RELN: variants seen among roughly 807,000 people sequenced by gnomAD.
RELN encodes reelin.
In RELN, 108 loss-of-function variants were observed where a neutral mutation model predicts 427.6. The ratio of observed to expected loss-of-function variants is 0.25; its 90% CI spans 0.22 to 0.30. The LOEUF (loss-of-function observed/expected upper bound fraction) is 0.30. RELN is among the 10% of genes least tolerant of loss of function. The pLI is 1.00. For synonymous variants in RELN, 1,524 were observed against 1,513.4 expected (o/e 1.01, Z -0.16); for missense variants, 3,715 against 4,302.8 (o/e 0.86, Z 3.82).
chr7:103,731,569 G>C lies in RELN; in HGVS notation c.657-3362C>G, dbSNP rs570256698. 7.9e-5 allele frequency among the ~76,000 whole-genome samples: 12 copies of C among 152,190 alleles called. No individual in the cohort carries two copies. In the East Asian group the frequency reaches 2.1e-3, roughly 27 times the overall value. On this transcript the variant is annotated intron_variant, in intron 6 of 64. Transcript: ENST00000428762. ...ATTACTGTCCAAGGTTACACAGCTAGTCAATTGCAGAATTGGGAGTCAAAC... is the reference window on the plus strand; with the variant it reads ...ATTACTGTCCAAGGTTACACAGCTACTCAATTGCAGAATTGGGAGTCAAAC...
chr7:103,713,333 T>C (rs1222601947), intron 8 of RELN, among the ~76,000 whole-genome samples: 3 of 152,220 alleles, frequency 2.0e-5, no homozygotes, highest in Non-Finnish European at 4.4e-5. Flanking sequence ...GGATGCATTC[T>C]GGCTACTCAG....
chr7:103,630,840 G>GTTTTTTTTTTTTTTTTTTTTTTTTTTTTT (rs1265435565), intron 19 of RELN, among the ~76,000 whole-genome samples: 1 of 87,576 alleles, frequency 1.1e-5, no homozygotes, highest in African/African-American at 5.7e-5. Flanking sequence ...AAAGGGCTGA[G>GTTTTTTTTTTTTTTTTTTTTTTTTTTTTT]TTATTTTTTT....
intron 2 of RELN, among the ~76,000 whole-genome samples, chr7:103,837,881 T>G (rs542322795): frequency 6.2e-4 from 95 of 152,224 alleles, no homozygotes; most frequent in African/African-American, 2.3e-3. Context: ...AAGAAATATT[T>G]TCTGAATACA....
intron 16 of RELN, among the ~76,000 whole-genome samples, chr7:103,648,993 T>A (rs190102350): frequency 6.6e-6 from 1 of 151,942 alleles, no homozygotes; most frequent in African/African-American, 2.4e-5. Context: ...TTGGTGGGAA[T>A]TTAAATTAGT....
chr7:103,524,956 A>G (rs965581400), intron 46 of RELN, among the ~76,000 whole-genome samples: 16 of 152,230 alleles, frequency 1.1e-4, no homozygotes, highest in Admixed American at 7.2e-4. Context: ...TTGGCCCACA[A>G]GGTCCTGCCT....
intron 20 of RELN, among the ~76,000 whole-genome samples, chr7:103,614,802 G>A (rs1481452050): frequency 6.6e-6 from 1 of 152,138 alleles, no homozygotes; most frequent in African/African-American, 2.4e-5. Context: ...TATCTATCCT[G>A]ATGCCTTAAT....
intron 51 of RELN, among the ~76,000 whole-genome samples, chr7:103,506,215 C>A (rs1829204391): frequency 6.6e-6 from 1 of 152,142 alleles, no homozygotes; most frequent in South Asian, 2.1e-4. Context: ...GGCCAACATT[C>A]AAATTCAGGA....
chr7:103,514,425 C>T (rs1358576016), intron 50 of RELN, among the ~76,000 whole-genome samples: 2 of 152,000 alleles, frequency 1.3e-5, no homozygotes, highest in African/African-American at 4.8e-5. Flanking sequence ...ACTGGGAGGC[C>T]GAGGTGGGCA....
chr7:103,658,654 A>T (rs1010162985), intron 12 of RELN, among the ~76,000 whole-genome samples: 1 of 151,230 alleles, frequency 6.6e-6, no homozygotes, highest in African/African-American at 2.4e-5. Flanking sequence ...TACTGATAAA[A>T]CTCTTGAAGT....
At chr7:103,484,198 T>A (rs557526305) in intron 61 of RELN, 6 of 286,086 alleles carry the variant, frequency 2.1e-5, no homozygotes, top group African/African-American at 1.3e-4. Flanking sequence ...ATCTTTATAC[T>A]AAATTCAGGA....
intron 51 of RELN, among the ~76,000 whole-genome samples, chr7:103,509,532 G>C (rs1283276513): frequency 6.6e-6 from 1 of 152,088 alleles, no homozygotes; most frequent in Admixed American, 6.6e-5. Context: ...TAAATGTTAA[G>C]ACCTAAAACC....
At chr7:103,880,510 GTCA>G (rs1367789654) in intron 2 of RELN, among the ~76,000 whole-genome samples, 3 of 152,054 alleles carry the variant, frequency 2.0e-5, no homozygotes, top group Non-Finnish European at 2.9e-5. Flanking sequence ...TCCCTCCTTT[GTCA>G]TCATCATCAT....
Position 103,845,848 on chromosome 7 carries a change from C to T in RELN, c.338-12176G>A, listed in dbSNP as rs190066612. 1.5e-3 allele frequency among the ~76,000 whole-genome samples: 233 copies of T among 152,152 alleles called. 5 individuals are homozygous for T. The highest frequency in any genetic ancestry group is 3.4e-3 in the Middle Eastern group (1 of 292). ...TCTTCAAGGAGAACTACTCAAGAAA[C>T]GACTGCTCAAGAAAATAAGAGAGGA... On this transcript the variant is annotated intron_variant, in intron 2 of 64. Coordinates refer to ENST00000428762, the MANE Select transcript of RELN (RefSeq NM_005045.4).
chr7:103,507,060 C>G (rs758789893), intron 51 of RELN, among the ~76,000 whole-genome samples: 72 of 152,306 alleles, frequency 4.7e-4, no homozygotes, highest in Admixed American at 3.3e-3. Flanking sequence ...TACAAAGAGA[C>G]TTAGACTCCC....
intron 10 of RELN, among the ~76,000 whole-genome samples, chr7:103,684,358 G>T (rs1178815355): frequency 6.6e-6 from 1 of 152,120 alleles, no homozygotes; most frequent in Non-Finnish European, 1.5e-5. Flanking sequence ...ATTTATGCCT[G>T]AATGCATTCA....
rs28459652 is a variant in RELN, at chr7:103,520,727, T to A, written c.7669-1211A>T. On this transcript the variant is annotated intron_variant, in intron 48 of 64. Coordinates refer to ENST00000428762, the MANE Select transcript of RELN (RefSeq NM_005045.4). ...AATTTCTTAATGTTGATATACGGATTTTTTTTAGTTGAACATATGTGAAAA... is the reference window on the plus strand; with the variant it reads ...AATTTCTTAATGTTGATATACGGATATTTTTTAGTTGAACATATGTGAAAA... 2.1e-3 allele frequency among the ~76,000 whole-genome samples: 326 copies of A among 152,188 alleles called. 4 individuals are homozygous for A. Among genetic ancestry groups the A allele is most frequent in the African/African-American group, 7.2e-3 (301 of 41,530 alleles).
chr7:103,698,322 T>A (rs1355651999), intron 9 of RELN, among the ~76,000 whole-genome samples: 1 of 152,110 alleles, frequency 6.6e-6, no homozygotes, highest in East Asian at 1.9e-4. Flanking sequence ...AAGGTTTACA[T>A]GGAAAACAAG....
At chr7:103,850,019 A>C (rs535437258) in intron 2 of RELN, among the ~76,000 whole-genome samples, 1 of 152,312 alleles carries the variant, frequency 6.6e-6, no homozygotes, top group Non-Finnish European at 1.5e-5. Flanking sequence ...ACATCTCCAT[A>C]ATTTCATAAT....
intron 6 of RELN, among the ~76,000 whole-genome samples, chr7:103,746,313 C>T (rs1277450439): frequency 2.0e-5 from 3 of 152,098 alleles, no homozygotes; most frequent in African/African-American, 4.8e-5. Context: ...CCATAAAAAC[C>T]CTAGAAGAAA....
Sources: allele counts gnomAD v4.1 joint callset (sites outside exome capture counted in the v4.1 genomes callset), GRCh38; gene constraint gnomAD v4.1.1; transcripts MANE v1.5; gene names NCBI Gene and HGNC (gene_info 2026-07-23, HGNC 2026-07-21).